Variants in TBC1D32 observed in about 807,000 individuals in gnomAD.
The protein encoded by TBC1D32 is TBC1 domain family member 32.
TBC1D32 carries 151 observed loss-of-function variants against 170.3 expected under a neutral mutation model. That is an observed-to-expected ratio of 0.89 (90% confidence interval 0.78 to 1.01). The LOEUF (loss-of-function observed/expected upper bound fraction) is 1.01, where lower values mean the gene tolerates loss of function less well. Among genes scored for constraint, TBC1D32 ranks in the 50% least tolerant of loss-of-function variants. The probability of loss-of-function intolerance (pLI) is 0.00; values close to 1 mark genes in which losing one functional copy is unlikely to be tolerated. For synonymous variants in TBC1D32, 498 were observed against 488.0 expected (o/e 1.02, Z -0.27); for missense variants, 1,464 against 1,457.1 (o/e 1.00, Z -0.08).
At chr6:121,330,429 C>G (rs1344568093) in intron 1 of TBC1D32, among the ~76,000 whole-genome samples, 1 of 152,132 alleles carries the variant, frequency 6.6e-6, no homozygotes, top group Non-Finnish European at 1.5e-5. Context: ...AAGAATAACA[C>G]TCAATTCAAT....
chr6:121,199,680 T>C (rs1791284772), intron 22 of TBC1D32, among the ~76,000 whole-genome samples: 1 of 151,242 alleles, frequency 6.6e-6, no homozygotes, highest in South Asian at 2.1e-4. Context: ...AAAATATGGA[T>C]GGTTTTGTCA....
intron 24 of TBC1D32, among the ~76,000 whole-genome samples, chr6:121,156,836 T>C (rs1784955770): frequency 6.6e-6 from 1 of 152,160 alleles, no homozygotes; most frequent in Admixed American, 6.6e-5. Context: ...GAAATCTTCT[T>C]AGTATTAATT....
At chr6:121,089,961 T>A (rs1159734776) in intron 31 of TBC1D32, among the ~76,000 whole-genome samples, 1 of 147,908 alleles carries the variant, frequency 6.8e-6, no homozygotes, top group Non-Finnish European at 1.5e-5. Flanking sequence ...TGGAGACGAG[T>A]CTCACTCTGT....
At position 121,112,594 on chromosome 6, in the gene TBC1D32, C is replaced by T. The variant is rs1197715280; in HGVS notation, c.3235G>A (p.Gly1079Arg). ...FVSSLFMIMLGDKEKTFQFLH... is the reference protein window; with the variant it reads ...FVSSLFMIMLRDKEKTFQFLH... ...AATTGGAATGTTTTTTCTTTGTCTC[C>T]CAACATTATCATGAACAGAGAAGAT... Residue 1079 changes from glycine (G) to arginine (R), a missense_variant, in exon 29 of 32, where the codon GGA becomes AGA. This residue lies in a region of TBC1D32 where 1,363 missense variants were observed against 1,338.1 expected (regional missense o/e 1.02). Coordinates refer to ENST00000398212, the MANE Select transcript of TBC1D32 (RefSeq NM_152730.6). The T allele has an allele frequency of 1.2e-6, 2 of 1,610,536 alleles. No homozygotes were observed. The highest frequency in any genetic ancestry group is 1.3e-5 in the African/African-American group (1 of 74,812).
chr6:121,280,856 G>A (rs146937509), intron 14 of TBC1D32, among the ~76,000 whole-genome samples: 1,703 of 151,822 alleles, frequency 0.011, 7 homozygotes, highest in Middle Eastern at 0.031. Context: ...CCTCAAAATA[G>A]ATATGAAAAA....
intron 9 of TBC1D32, among the ~76,000 whole-genome samples, chr6:121,302,994 T>C (rs1235314268): frequency 2.0e-5 from 3 of 152,162 alleles, no homozygotes; most frequent in African/African-American, 7.2e-5. Flanking sequence ...CCAGTACAGA[T>C]TGAGAAAGAA....
rs939632556 is a variant in TBC1D32 at position 121,079,761 on chromosome 6, T to C, written c.*1010A>G. On this transcript the variant is annotated 3_prime_UTR_variant, in exon 32 of 32. Coordinates refer to ENST00000398212, the MANE Select transcript of TBC1D32 (RefSeq NM_152730.6). ...TTAGCCATTTAAAATAATTTAGAAATGTATTCTCCTTTATATTTTCAAGTT... is the reference window on the plus strand; with the variant it reads ...TTAGCCATTTAAAATAATTTAGAAACGTATTCTCCTTTATATTTTCAAGTT... 2 of 152,188 alleles carry C rather than the reference T, an allele frequency of 1.3e-5. No individual in the cohort carries two copies. The highest frequency in any genetic ancestry group is 2.9e-5 in the Non-Finnish European group (2 of 68,008). The allele number at this position is 152,188 out of a possible 1,614,324, so 9.4% of individuals were successfully genotyped here.
chr6:121,276,391 T>C (rs1053676741), intron 15 of TBC1D32, among the ~76,000 whole-genome samples: 1 of 151,992 alleles, frequency 6.6e-6, no homozygotes, highest in African/African-American at 2.4e-5. Context: ...AAATGTATAT[T>C]ACAAACTTAA....
chr6:121,272,373 A>C (rs1415480914), intron 15 of TBC1D32, among the ~76,000 whole-genome samples: 1 of 152,154 alleles, frequency 6.6e-6, no homozygotes, highest in Non-Finnish European at 1.5e-5. Flanking sequence ...CAAAGGGCTA[A>C]TATCCAGAAT....
chr6:121,143,942 C>G lies in TBC1D32; in HGVS notation c.2774-12190G>C, dbSNP rs567381540. ...ATATGGTCAGTGACACAGATATCAG[C>G]AATATCAGAATGAGATATTATGAAT... is the stretch of plus-strand genomic sequence containing the variant. On this transcript the variant is annotated intron_variant, in intron 24 of 31. Transcript: ENST00000398212. Among the ~76,000 whole-genome samples, 65 of 152,066 alleles carry G rather than the reference C, an allele frequency of 4.3e-4. 1 individual carries two copies. The highest frequency in any genetic ancestry group is 1.5e-3 in the African/African-American group (64 of 41,502).
chr6:121,153,633 G>A lies in TBC1D32; in HGVS notation c.2773+6377C>T, dbSNP rs568852707. On this transcript the variant is annotated intron_variant, in intron 24 of 31. Coordinates refer to ENST00000398212, the MANE Select transcript of TBC1D32 (RefSeq NM_152730.6). The stretch of plus-strand genomic sequence containing the variant: ...CTGGGGCTCTGTCCCATGGAGATGC[G>A]AGTTTTATCTATAAGCCCCTGACTG... 5.9e-5 allele frequency among the ~76,000 whole-genome samples: 9 copies of A among 152,228 alleles called. No individual in the cohort carries two copies. The South Asian group carries it at 1.0e-3, about 18-fold the overall frequency.
intron 22 of TBC1D32, among the ~76,000 whole-genome samples, chr6:121,173,924 A>AC (rs1428414442): frequency 2.6e-5 from 4 of 151,456 alleles, no homozygotes; most frequent in Non-Finnish European, 5.9e-5. Flanking sequence ...AAAAAATAAA[A>AC]AAAAAAGATA....
intron 24 of TBC1D32, among the ~76,000 whole-genome samples, chr6:121,139,481 G>C (rs1478029773): frequency 6.6e-6 from 1 of 152,062 alleles, no homozygotes; most frequent in African/African-American, 2.4e-5. Context: ...GACATGAACG[G>C]AGACTTAATT....
chr6:121,185,986 G>T (rs995791954), intron 22 of TBC1D32, among the ~76,000 whole-genome samples: 1 of 152,022 alleles, frequency 6.6e-6, no homozygotes, highest in Non-Finnish European at 1.5e-5. Context: ...AATGTATGAT[G>T]TTATTTCTCT....
intron 15 of TBC1D32, 123 bp downstream of exon 15, chr6:121,278,998 T>C (rs1424670827): frequency 1.9e-6 from 2 of 1,057,452 alleles, no homozygotes; most frequent in East Asian, 2.8e-5. Flanking sequence ...AGTTCTACTC[T>C]GGCTGCATAG....
chr6:121,218,367 C>T (rs1794087999), intron 21 of TBC1D32, among the ~76,000 whole-genome samples: 1 of 152,124 alleles, frequency 6.6e-6, no homozygotes, highest in African/African-American at 2.4e-5. Flanking sequence ...GTGTCCCCAC[C>T]CAAATCTCAC....
At chr6:121,127,867 T>C (rs566815244) in intron 25 of TBC1D32, among the ~76,000 whole-genome samples, 1 of 152,340 alleles carries the variant, frequency 6.6e-6, no homozygotes, top group African/African-American at 2.4e-5. Flanking sequence ...CCATGTTTGC[T>C]ACACGCTATG....
chr6:121,233,221 T>A (rs1237828326), intron 20 of TBC1D32, among the ~76,000 whole-genome samples: 2 of 152,130 alleles, frequency 1.3e-5, no homozygotes, highest in African/African-American at 4.8e-5. Context: ...ATCTGTTAAG[T>A]CCATTTGTTC....
intron 31 of TBC1D32, among the ~76,000 whole-genome samples, chr6:121,082,044 G>A (rs11964008): frequency 0.019 from 2,898 of 152,062 alleles, 84 homozygotes; most frequent in African/African-American, 0.066. Context: ...AAGTATCTGA[G>A]CTCTAATCTC....
Sources: gnomAD v4.1 joint callset for allele counts (sites outside exome capture counted in the v4.1 genomes callset) on GRCh38, gnomAD v4.1.1 for gene constraint, gnomAD v4.1.1 regional missense constraint, MANE v1.5 for transcripts, NCBI Gene and HGNC (gene_info 2026-07-23, HGNC 2026-07-21) for gene names.